Variants in E2F8 observed in about 807,000 individuals in gnomAD.
E2F8 encodes E2F transcription factor 8, also known as transcription factor E2F8.
E2F8 carries 35 observed loss-of-function variants against 80.8 expected under a neutral mutation model. That is an observed-to-expected ratio of 0.43 (90% CI 0.33 to 0.57). The LOEUF is 0.57. Ranked by LOEUF, E2F8 falls within the 20% of genes least tolerant of loss-of-function variation. The pLI is 0.04. For missense variants in E2F8, 975 were observed against 1,056.2 expected, an observed-to-expected ratio of 0.92 and a Z score of 1.07; for synonymous variants, 386 against 395.0, an observed-to-expected ratio of 0.98 and a Z score of 0.27.
chr11:19,239,813 T>A (rs1851613588), intron 2 of E2F8, among the ~76,000 whole-genome samples: 1 of 151,030 alleles, frequency 6.6e-6, no homozygotes, highest in South Asian at 2.1e-4. Flanking sequence ...CATTACAACA[T>A]TTCTGAGGAT....
intron 1 of E2F8, 148 bp from the exon 2 acceptor site, chr11:19,240,378 G>A: frequency 3.4e-6 from 1 of 291,596 alleles, no homozygotes; most frequent in South Asian, 1.3e-4. Flanking sequence ...ACCAGAGATC[G>A]CCCCACTGAG....
At chr11:19,226,572 C>T (rs531380094) in intron 10 of E2F8, among the ~76,000 whole-genome samples, 28 of 152,346 alleles carry the variant, frequency 1.8e-4, no homozygotes, top group South Asian at 8.3e-4. Context: ...TTCCCACTCC[C>T]TGCCTGTTTT....
Position 19,229,841 on chromosome 11 carries a change from G to T in E2F8, c.1506C>A (p.Ser502Arg), listed in dbSNP as rs1182413797. The T allele has an allele frequency of 5.0e-6, 8 of 1,613,960 alleles. No individual in the cohort carries two copies. Among genetic ancestry groups the T allele is most frequent in the Non-Finnish European group, 6.8e-6 (8 of 1,179,952 alleles). ...TCAGGGGCACTGCTGATGACAAGGG[G>T]CTGGGGATCAGGGGAACCATTCCCA... ...QPLGMVPLIP[S>R]PLSSAVPLIL... The change falls in exon 10 of 13, where the codon AGC becomes AGA. Residue 502 changes from serine (S) to arginine (R), a missense_variant. Physicochemically the swap from Ser to Arg is moderately radical, Grantham distance 110. Coordinates refer to ENST00000250024, the MANE Select transcript of E2F8 (RefSeq NM_024680.4). The surrounding 1 kb of genome is among the most constrained non-coding windows in gnomAD (Gnocchi z 4.3).
chr11:19,238,238 T>C (rs1851575362), intron 2 of E2F8, 106 bp from the exon 3 acceptor site: 3 of 1,164,958 alleles, frequency 2.6e-6, no homozygotes, highest in African/African-American at 3.1e-5. Flanking sequence ...AAGGAAAAAA[T>C]GTCTAATGAG....
At position 19,234,741 on chromosome 11, in the gene E2F8, C is replaced by T; in HGVS notation, c.766+3G>A. 8 of 1,606,234 alleles carry T rather than the reference C, an allele frequency of 5.0e-6. No homozygotes were observed. The highest frequency in any genetic ancestry group is 6.8e-6 in the Non-Finnish European group (8 of 1,175,594). On this transcript the variant is annotated splice_donor_region_variant and intron_variant, in intron 5 of 12. Transcript: ENST00000250024. ...GCCTGGAGTTTTCACTACCATCTCT[C>T]ACCTGCCCGAAATTCCACTCCAGGG...
chr11:19,237,756 G>A, intron 3 of E2F8, 98 bp downstream of exon 3: 1 of 1,456,256 alleles, frequency 6.9e-7, no homozygotes, highest in Non-Finnish European at 9.3e-7. Flanking sequence ...GCCTTCGGGT[G>A]GTGATGCTTT....
intron 3 of E2F8, 47 bp downstream of exon 3, chr11:19,237,807 C>T: frequency 6.4e-7 from 1 of 1,567,104 alleles, no homozygotes; most frequent in Non-Finnish European, 8.7e-7. Context: ...CCTCCCCCCT[C>T]CCCCCAACAA....
chr11:19,240,060 A>G, intron 2 of E2F8, 47 bp downstream of exon 2: 2 of 1,451,132 alleles, frequency 1.4e-6, no homozygotes, highest in South Asian at 2.8e-5. Flanking sequence ...AATCAGGATG[A>G]TACTGAATTT....
At chr11:19,232,493 A>C in intron 6 of E2F8, 122 bp from the exon 7 acceptor site, 1 of 745,004 alleles carries the variant, frequency 1.3e-6, no homozygotes, top group Non-Finnish European at 2.0e-6. Context: ...ACAGAGAAAC[A>C]TCTGCCTCCT....
chr11:19,230,360 C>A lies in E2F8; in HGVS notation c.1271-32G>T. ...AAATAGAAAGGAAGAGAGCACCGGT[C>A]AAAGCTAAAGAACAAATGTTCACAC... On this transcript the variant is annotated intron_variant, in intron 8 of 12. Transcript: ENST00000250024. The A allele has an allele frequency of 1.9e-6, 3 of 1,595,258 alleles. No homozygotes were observed. In the South Asian group the frequency reaches 3.4e-5, roughly 18 times the overall value.
Position 19,232,486 on chromosome 11 carries a change from G to C in E2F8, c.929-115C>G, listed in dbSNP as rs574594299. On this transcript the variant is annotated intron_variant, in intron 6 of 12. Coordinates refer to ENST00000250024, the MANE Select transcript of E2F8 (RefSeq NM_024680.4). The stretch of plus-strand genomic sequence containing the variant: ...CTGTCTTAACCATCAATGTCAGACA[G>C]AGAAACATCTGCCTCCTTTTAAGTT... The C allele has an allele frequency of 1.8e-5, 14 of 788,832 alleles. No individual in the cohort carries two copies. In the South Asian group the frequency reaches 3.3e-4, roughly 19 times the overall value. 48.9% of individuals were successfully genotyped at this position (788,832 alleles called of 1,614,324 possible). A position where few individuals can be genotyped will look rare whatever the true frequency, so the allele number is the denominator to read the frequency against.
rs557003424 is a variant in E2F8 at position 19,228,320 on chromosome 11, G to A, written c.1893+1134C>T. ...AAGGATACTATGTAAGATAATAGAT[G>A]TTTTGAATGGTTACCATGAGGCCAT... On this transcript the variant is annotated intron_variant, in intron 10 of 12. Transcript: ENST00000250024. 8.1e-4 allele frequency among the ~76,000 whole-genome samples: 124 copies of A among 152,338 alleles called. 4 individuals carry two copies. The South Asian group carries it at 0.025, about 31-fold the overall frequency.
At chr11:19,228,194 G>A (rs2133558298) in intron 10 of E2F8, among the ~76,000 whole-genome samples, 1 of 152,268 alleles carries the variant, frequency 6.6e-6, no homozygotes, top group South Asian at 2.1e-4. Flanking sequence ...TAAGCAACAG[G>A]AGACCATTAT....
At chr11:19,237,292 A>G (rs1851543452) in intron 4 of E2F8, 22 bp downstream of exon 4, 3 of 1,612,700 alleles carry the variant, frequency 1.9e-6, no homozygotes, top group Non-Finnish European at 2.5e-6. Flanking sequence ...TAATTCTTTC[A>G]GTGAGTTCTT....
At chr11:19,240,255 AAGTT>A (rs1438391512) in intron 1 of E2F8, 25 bp from the exon 2 acceptor site, 4 of 485,810 alleles carry the variant, frequency 8.2e-6, no homozygotes, top group Non-Finnish European at 1.4e-5. Context: ...GAAATAGAAA[AAGTT>A]AGAGAAAAAC....
intron 10 of E2F8, among the ~76,000 whole-genome samples, chr11:19,228,388 A>G (rs1851288313): frequency 6.6e-6 from 1 of 152,266 alleles, no homozygotes; most frequent in African/African-American, 2.4e-5. Flanking sequence ...CTCTTTAATA[A>G]CAACGTAACA....
intron 4 of E2F8, among the ~76,000 whole-genome samples, chr11:19,236,963 T>C (rs1851535434): frequency 6.6e-6 from 1 of 151,866 alleles, no homozygotes; most frequent in African/African-American, 2.4e-5. Context: ...AGATAACCAT[T>C]TATCAGCCTG....
At chr11:19,234,719 T>A (rs749581934) in intron 5 of E2F8, 25 bp downstream of exon 5, 2 of 1,591,224 alleles carry the variant, frequency 1.3e-6, no homozygotes, top group Non-Finnish European at 1.7e-6. Flanking sequence ...CCATGCCGCC[T>A]GGAGTTTTCA....
chr11:19,236,332 C>A (rs1478414709), intron 4 of E2F8, among the ~76,000 whole-genome samples: 1 of 152,230 alleles, frequency 6.6e-6, no homozygotes, highest in East Asian at 1.9e-4. Flanking sequence ...TCCCTTGATC[C>A]TGATCTACAA....
Sources: allele counts gnomAD v4.1 joint callset (sites outside exome capture counted in the v4.1 genomes callset), GRCh38; gene constraint gnomAD v4.1.1; non-coding constraint Gnocchi (gnomAD v3.1); transcripts MANE v1.5; gene names NCBI Gene and HGNC (gene_info 2026-07-23, HGNC 2026-07-21).